RANBP2: variants seen among roughly 807,000 people sequenced by gnomAD.
The protein encoded by RANBP2 is RAN binding protein 2, also known as E3 SUMO-protein ligase RanBP2.
RANBP2 carries 57 observed loss-of-function variants against 303.6 expected under a neutral mutation model. The ratio of observed to expected loss-of-function variants is 0.19; its 90% CI spans 0.15 to 0.23. RANBP2 has a LOEUF of 0.23. Ranked by LOEUF, RANBP2 falls within the 10% of genes least tolerant of loss-of-function variation. The probability of loss-of-function intolerance (pLI) is 1.00; values close to 1 mark genes in which losing one functional copy is unlikely to be tolerated. For missense variants in RANBP2, 3,138 were observed against 3,780.8 expected, an observed-to-expected ratio of 0.83 and a Z score of 4.46; for synonymous variants, 1,167 against 1,301.5, an observed-to-expected ratio of 0.90 and a Z score of 2.23.
At chr2:109,130,444 C>T in the RANBP2 span, among the ~76,000 whole-genome samples, 9 of 152,324 alleles carry the variant, frequency 5.9e-5, no homozygotes, top group South Asian at 8.3e-4. Context: ...GGACCTTCTT[C>T]CTCTGGGTCC....
the RANBP2 span, among the ~76,000 whole-genome samples, chr2:108,902,854 T>C: frequency 6.6e-6 from 1 of 152,258 alleles, no homozygotes; most frequent in Non-Finnish European, 1.5e-5. Flanking sequence ...GGATTTCTGC[T>C]TCTGCTTCAT....
chr2:108,966,051 A>G, the RANBP2 span, among the ~76,000 whole-genome samples: 2 of 152,176 alleles, frequency 1.3e-5, no homozygotes, highest in Non-Finnish European at 2.9e-5. Flanking sequence ...TAAAACATTC[A>G]ATATCACCAT....
the RANBP2 span, among the ~76,000 whole-genome samples, chr2:109,058,143 C>A: frequency 1.3e-5 from 2 of 152,182 alleles, no homozygotes; most frequent in Admixed American, 6.5e-5. Flanking sequence ...CTCGCACTGT[C>A]CCTGGCAGGT....
chr2:109,460,282 A>G, the RANBP2 span, among the ~76,000 whole-genome samples: 1 of 152,292 alleles, frequency 6.6e-6, no homozygotes, highest in African/African-American at 2.4e-5. Flanking sequence ...CATTCCAGGA[A>G]GGACAAAACA....
At chr2:109,096,010 C>A in the RANBP2 span, among the ~76,000 whole-genome samples, 1 of 152,146 alleles carries the variant, frequency 6.6e-6, no homozygotes, top group African/African-American at 2.4e-5. Context: ...AAAGCTGAGT[C>A]TCCTACCAGA....
At chr2:108,822,212 A>G in the RANBP2 span, among the ~76,000 whole-genome samples, 4 of 152,208 alleles carry the variant, frequency 2.6e-5, no homozygotes, top group Non-Finnish European at 5.9e-5. Context: ...ACAAGAGACA[A>G]AGGACACTAT....
At chr2:109,220,169 A>G in the RANBP2 span, among the ~76,000 whole-genome samples, 1 of 152,244 alleles carries the variant, frequency 6.6e-6, no homozygotes, top group Admixed American at 6.5e-5. Context: ...AGATCAGTCA[A>G]TGAGGAATGG....
chr2:109,443,629 A>G, the RANBP2 span, among the ~76,000 whole-genome samples: 4 of 152,364 alleles, frequency 2.6e-5, no homozygotes, highest in Non-Finnish European at 5.9e-5. Context: ...ATAGAGCAGA[A>G]TTTATAAAAA....
chr2:109,248,122 C>A, the RANBP2 span, among the ~76,000 whole-genome samples: 1 of 152,126 alleles, frequency 6.6e-6, no homozygotes, highest in African/African-American at 2.4e-5. Flanking sequence ...AAGTCCACTG[C>A]CTGTTTTCTT....
the RANBP2 span, among the ~76,000 whole-genome samples, chr2:109,304,092 A>G: frequency 2.0e-5 from 3 of 147,354 alleles, no homozygotes; most frequent in Non-Finnish European, 4.5e-5. Flanking sequence ...CAGGAGCAAA[A>G]CTCCATCTCA....
chr2:109,430,382 T>C, the RANBP2 span, among the ~76,000 whole-genome samples: 1 of 152,198 alleles, frequency 6.6e-6, no homozygotes, highest in Non-Finnish European at 1.5e-5. Flanking sequence ...ATCCAAGTCC[T>C]CCCTGCACTC....
the RANBP2 span, among the ~76,000 whole-genome samples, chr2:109,308,467 C>A: frequency 1.4e-5 from 1 of 71,990 alleles, no homozygotes; most frequent in South Asian, 5.2e-4. Context: ...GTTGCCATTG[C>A]TTTTGGTGTT....
At chr2:109,085,850 C>T in the RANBP2 span, among the ~76,000 whole-genome samples, 1 of 152,062 alleles carries the variant, frequency 6.6e-6, no homozygotes, top group Admixed American at 6.5e-5. Flanking sequence ...GGCGATCCAC[C>T]CACCTTGGCC....
the RANBP2 span, among the ~76,000 whole-genome samples, chr2:109,099,475 G>A: frequency 6.6e-6 from 1 of 152,126 alleles, no homozygotes; most frequent in African/African-American, 2.4e-5. Context: ...TTAACCCTTA[G>A]GAAGGGAAGT....
the RANBP2 span, among the ~76,000 whole-genome samples, chr2:109,124,023 A>AT: frequency 1.5e-5 from 2 of 134,066 alleles, no homozygotes; most frequent in Admixed American, 7.4e-5. Context: ...TTTATTTATT[A>AT]TTTTTTTGAC....
At chr2:109,257,462 G>A in the RANBP2 span, among the ~76,000 whole-genome samples, 28 of 152,204 alleles carry the variant, frequency 1.8e-4, no homozygotes, top group South Asian at 5.8e-3. Flanking sequence ...AAGCCCCATG[G>A]CTTTCTTGTA....
At chr2:109,426,149 T>C in the RANBP2 span, among the ~76,000 whole-genome samples, 3 of 152,240 alleles carry the variant, frequency 2.0e-5, no homozygotes, top group African/African-American at 7.2e-5. Flanking sequence ...CCTCAAGTGA[T>C]CCGTCCGCCT....
At chr2:109,078,140 G>GTA in the RANBP2 span, among the ~76,000 whole-genome samples, 3 of 62,624 alleles carry the variant, frequency 4.8e-5, no homozygotes, top group Admixed American at 3.9e-4. Flanking sequence ...TATATAGCGT[G>GTA]TATATATATA....
At chr2:109,373,306 C>T in the RANBP2 span, among the ~76,000 whole-genome samples, 4 of 152,200 alleles carry the variant, frequency 2.6e-5, no homozygotes, top group African/African-American at 4.8e-5. Flanking sequence ...TTTAGCTGGC[C>T]AAACTTTTTT....
Sources: gnomAD v4.1 joint callset for allele counts (sites outside exome capture counted in the v4.1 genomes callset) on GRCh38, gnomAD v4.1.1 for gene constraint, MANE v1.5 for transcripts, NCBI Gene and HGNC (gene_info 2026-07-23, HGNC 2026-07-21) for gene names.